DPP10: variants seen among roughly 807,000 people sequenced by gnomAD.
DPP10 encodes the protein inactive dipeptidyl peptidase 10.
Under a neutral mutation model 120.9 loss-of-function variants are expected in DPP10, and 33 were observed. The ratio of observed to expected loss-of-function variants is 0.27; its 90% CI spans 0.21 to 0.37. DPP10 has a LOEUF of 0.37. DPP10 is among the 10% of genes least tolerant of loss of function. DPP10 has a pLI of 1.00. For synonymous variants in DPP10, 337 were observed against 326.1 expected (o/e 1.03, Z -0.36); for missense variants, 816 against 942.8 (o/e 0.87, Z 1.76).
chr2:114,474,009 G>T (rs1680163031), intron 1 of DPP10, among the ~76,000 whole-genome samples: 1 of 152,196 alleles, frequency 6.6e-6, no homozygotes, highest in East Asian at 1.9e-4. Flanking sequence ...CCAGGCTGGA[G>T]TGCAGTGGCA....
intron 2 of DPP10, among the ~76,000 whole-genome samples, 179 bp downstream of exon 2, chr2:115,309,532 T>A (rs957398511): frequency 1.3e-5 from 2 of 152,142 alleles, no homozygotes; most frequent in Admixed American, 6.6e-5. Flanking sequence ...GCAGTTCAAA[T>A]ATCATGCAGG....
At chr2:114,542,861 C>T (rs1334501441) in intron 1 of DPP10, among the ~76,000 whole-genome samples, 2 of 152,206 alleles carry the variant, frequency 1.3e-5, no homozygotes, top group Admixed American at 6.5e-5. Context: ...GGATCTGCCT[C>T]TCATTTCTTA....
intron 7 of DPP10, among the ~76,000 whole-genome samples, chr2:115,725,328 A>C (rs1016467330): frequency 1.4e-4 from 21 of 152,210 alleles, no homozygotes; most frequent in African/African-American, 5.1e-4. Context: ...ATACAACTCA[A>C]GGATAAACTT....
At chr2:115,263,587 C>G (rs2059340576) in intron 1 of DPP10, among the ~76,000 whole-genome samples, 1 of 136,866 alleles carries the variant, frequency 7.3e-6, no homozygotes, top group South Asian at 2.3e-4. Context: ...ATGTGCTATT[C>G]TGTCTTTTAA....
intron 1 of DPP10, among the ~76,000 whole-genome samples, chr2:114,500,488 AG>A (rs1230659128): frequency 6.6e-6 from 1 of 152,184 alleles, no homozygotes; most frequent in Non-Finnish European, 1.5e-5. Context: ...ATTATACCAA[AG>A]TGTTAGATCA....
At chr2:114,539,864 TAAATCAGTCACTTAG>T (rs1012631404) in intron 1 of DPP10, among the ~76,000 whole-genome samples, 1 of 152,194 alleles carries the variant, frequency 6.6e-6, no homozygotes, top group African/African-American at 2.4e-5. Flanking sequence ...CCATAACAGA[TAAATCAGTCACTTAG>T]AACAGCAACC....
chr2:114,839,361 A>T (rs1294116683), intron 1 of DPP10, among the ~76,000 whole-genome samples: 1 of 152,234 alleles, frequency 6.6e-6, no homozygotes, highest in Non-Finnish European at 1.5e-5. Flanking sequence ...AAGAGATTTC[A>T]TTCAGCTAAA....
intron 1 of DPP10, among the ~76,000 whole-genome samples, chr2:115,198,700 T>TC (rs1371677616): frequency 2.0e-5 from 3 of 152,232 alleles, no homozygotes; most frequent in East Asian, 3.9e-4. Flanking sequence ...TCTCTGCTCA[T>TC]CCCCCCAGCC....
intron 1 of DPP10, among the ~76,000 whole-genome samples, chr2:115,187,236 C>T (rs1053061348): frequency 6.6e-6 from 1 of 150,416 alleles, no homozygotes; most frequent in Non-Finnish European, 1.5e-5. Context: ...CGGGGTTTCA[C>T]CTTGTTAGCC....
chr2:115,530,509 A>C (rs1209744589), intron 5 of DPP10, among the ~76,000 whole-genome samples: 1 of 152,074 alleles, frequency 6.6e-6, no homozygotes, highest in South Asian at 2.1e-4. Context: ...GTGAAATGCC[A>C]TCTCCACAAA....
intron 1 of DPP10, among the ~76,000 whole-genome samples, chr2:114,499,573 C>CTT (rs111641069): frequency 0.062 from 9,043 of 146,018 alleles, 544 homozygotes; most frequent in African/African-American, 0.15. Context: ...TTTGCAAAGG[C>CTT]TTTTTTTTTT....
chr2:115,155,185 ATATTT>A lies in DPP10; in HGVS notation c.61-154053_61-154049del, dbSNP rs1185559989. On this transcript the variant is annotated intron_variant, in intron 1 of 25. Transcript: ENST00000410059. ...GACCTCCCAAAGTGCTAGGGCTATTATATTTAATTGCAAAAACCACAGTTACATTT... is the reference window on the plus strand; with the variant it reads ...GACCTCCCAAAGTGCTAGGGCTATTAAATTGCAAAAACCACAGTTACATTT... Among the ~76,000 whole-genome samples, 4 of 152,034 alleles carry A rather than the reference ATATTT, an allele frequency of 2.6e-5. No individual in the cohort carries two copies. In the South Asian group the frequency reaches 8.3e-4, roughly 32 times the overall value.
intron 3 of DPP10, among the ~76,000 whole-genome samples, chr2:115,392,494 G>C (rs541716387): frequency 1.3e-5 from 2 of 151,910 alleles, no homozygotes; most frequent in Non-Finnish European, 2.9e-5. Flanking sequence ...TCATTAAAAC[G>C]TGTATACATA....
In DPP10 at chr2:114,917,880, T is replaced by C. The variant is rs141121104; in HGVS notation, c.61-391359T>C. On this transcript the variant is annotated intron_variant, in intron 1 of 25. Coordinates refer to ENST00000410059, the MANE Select transcript of DPP10 (RefSeq NM_020868.6). ...CTAGGAGAAAACCTAGGAAATACTA[T>C]TCCAGACATAGGCCTTGGTAAAGAT... Among the ~76,000 whole-genome samples, 39 of 152,262 alleles carry C rather than the reference T, an allele frequency of 2.6e-4. 1 individual carries two copies. The East Asian group carries it at 4.8e-3, about 19-fold the overall frequency.
At chr2:115,476,886 T>A (rs2075121045) in intron 3 of DPP10, among the ~76,000 whole-genome samples, 1 of 152,160 alleles carries the variant, frequency 6.6e-6, no homozygotes, top group South Asian at 2.1e-4. Flanking sequence ...TGTAATACAC[T>A]ACATTAACAG....
rs769524885 is a variant in DPP10, at chr2:115,753,149, C to T, written c.951-25C>T. On this transcript the variant is annotated intron_variant, in intron 10 of 25. Transcript: ENST00000410059. ...TATCAATGCTCTGGCTCTAAACATACATTTTAATTTTGTTTCCAAACTAGA... is the reference window on the plus strand; with the variant it reads ...TATCAATGCTCTGGCTCTAAACATATATTTTAATTTTGTTTCCAAACTAGA... The T allele has an allele frequency of 3.1e-6, 5 of 1,602,764 alleles. No homozygotes were observed. The South Asian group carries it at 3.3e-5, about 11-fold the overall frequency.
intron 3 of DPP10, among the ~76,000 whole-genome samples, chr2:115,350,972 CA>C (rs1360985105): frequency 6.6e-6 from 1 of 152,004 alleles, no homozygotes; most frequent in African/African-American, 2.4e-5. Context: ...GAAGATTTCT[CA>C]AAGAACTTAC....
chr2:115,321,515 G>GTTTTTTTTT (rs35046366), intron 2 of DPP10, among the ~76,000 whole-genome samples: 2 of 121,592 alleles, frequency 1.6e-5, no homozygotes, highest in Non-Finnish European at 3.3e-5. Context: ...TTTTTTTAGT[G>GTTTTTTTTT]TTTTTTTTTT....
chr2:114,862,140 C>A (rs1689853014), intron 1 of DPP10, among the ~76,000 whole-genome samples: 1 of 151,970 alleles, frequency 6.6e-6, no homozygotes, highest in Non-Finnish European at 1.5e-5. Flanking sequence ...CTCAATATAA[C>A]ATTATTATAG....
Sources: gnomAD v4.1 joint callset for allele counts (sites outside exome capture counted in the v4.1 genomes callset) on GRCh38, gnomAD v4.1.1 for gene constraint, MANE v1.5 for transcripts, NCBI Gene and HGNC (gene_info 2026-07-23, HGNC 2026-07-21) for gene names.